Variants in NNT observed in about 807,000 individuals in gnomAD.
NNT encodes the protein NAD(P) transhydrogenase, mitochondrial.
NNT carries 50 observed loss-of-function variants against 104.8 expected under a neutral mutation model. That is an observed-to-expected ratio of 0.48 (90% CI 0.38 to 0.60). NNT has a LOEUF of 0.60. NNT is among the 20% of genes least tolerant of loss of function. NNT has a pLI of 0.00. For missense variants in NNT, 1,131 were observed against 1,330.7 expected (o/e 0.85, Z 2.33); for synonymous variants, 461 against 490.4 (o/e 0.94, Z 0.79).
intron 17 of NNT, among the ~76,000 whole-genome samples, chr5:43,672,661 G>T (rs1259282361): frequency 6.6e-6 from 1 of 152,200 alleles, no homozygotes; most frequent in African/African-American, 2.4e-5. Flanking sequence ...TCTCAGAGGG[G>T]TACCCAGCCA....
chr5:43,602,801 C>A (rs1461545837), upstream of NNT: 1 of 152,204 alleles, frequency 6.6e-6, no homozygotes, highest in African/African-American at 2.4e-5. Flanking sequence ...CTGATGGGAC[C>A]CCAGAGAGGA....
chr5:43,623,989 A>G lies in NNT; in HGVS notation c.688-43A>G, dbSNP rs1421982228. On this transcript the variant is annotated intron_variant, in intron 5 of 21. Coordinates refer to ENST00000344920, the MANE Select transcript of NNT (RefSeq NM_182977.3). The stretch of plus-strand genomic sequence containing the variant: ...TGTTAGCTGATGATTTTTCATTATT[A>G]GTTGATAATGAGCCTTAACACATAA... 3.2e-6 allele frequency: 5 copies of G among 1,558,362 alleles called. No individual in the cohort carries two copies. The South Asian group carries it at 3.3e-5, about 10-fold the overall frequency.
chr5:43,677,698 C>T, intron 18 of NNT, 27 bp from the exon 19 acceptor site: 1 of 1,583,676 alleles, frequency 6.3e-7, no homozygotes, highest in Non-Finnish European at 8.7e-7. Flanking sequence ...AAAACACATT[C>T]TTCTGTGTTC....
At chr5:43,647,467 A>C (rs1739514415) in intron 10 of NNT, among the ~76,000 whole-genome samples, 1 of 152,180 alleles carries the variant, frequency 6.6e-6, no homozygotes, top group African/African-American at 2.4e-5. Flanking sequence ...ATTCCAGTGA[A>C]TGAAAGGATG....
chr5:43,617,699 C>G (rs1365131062), intron 4 of NNT, among the ~76,000 whole-genome samples: 1 of 152,036 alleles, frequency 6.6e-6, no homozygotes, highest in Non-Finnish European at 1.5e-5. Context: ...CCTGTGTAAT[C>G]TCCTTTTATT....
chr5:43,641,859 T>A (rs1751259414), intron 7 of NNT, among the ~76,000 whole-genome samples: 1 of 152,224 alleles, frequency 6.6e-6, no homozygotes, highest in Non-Finnish European at 1.5e-5. Context: ...TGCAAACATG[T>A]CCATGTGTTT....
Position 43,609,263 on chromosome 5 carries a change from G to T in NNT, c.68G>T (p.Cys23Phe). 1 of 1,614,048 alleles carries T rather than the reference G, an allele frequency of 6.2e-7. No homozygotes were observed. Residue 23 changes from cysteine (C) to phenylalanine (F), a missense_variant, in exon 2 of 22, where the codon TGT becomes TTT. Transcript: ENST00000344920. ...SCPLLSNLGS[C>F]KGLRVKKDFL... ...CCTCTACTTAGCAATTTGGGGTCCT[G>T]TAAGGGTCTACGTGTGAAGAAGGAT...
intron 17 of NNT, among the ~76,000 whole-genome samples, chr5:43,674,605 TAGAATGA>T (rs1741309772): frequency 6.6e-6 from 1 of 152,230 alleles, no homozygotes; most frequent in African/African-American, 2.4e-5. Flanking sequence ...TATGATTATG[TAGAATGA>T]CAGTTTCAAT....
intron 20 of NNT, among the ~76,000 whole-genome samples, chr5:43,701,072 C>A (rs946412295): frequency 6.6e-6 from 1 of 152,214 alleles, no homozygotes; most frequent in Non-Finnish European, 1.5e-5. Context: ...GATTTTGAGA[C>A]TCTCAAGGAG....
At chr5:43,693,099 C>A (rs1236731800) in intron 19 of NNT, among the ~76,000 whole-genome samples, 1 of 151,210 alleles carries the variant, frequency 6.6e-6, no homozygotes, top group Non-Finnish European at 1.5e-5. Context: ...TGTCCCTGAA[C>A]CTGAGGGATT....
At chr5:43,661,099 A>G (rs1288450989) in intron 17 of NNT, among the ~76,000 whole-genome samples, 1 of 152,092 alleles carries the variant, frequency 6.6e-6, no homozygotes, top group Non-Finnish European at 1.5e-5. Flanking sequence ...TTGATAGCCC[A>G]AATTCAAAAC....
intron 5 of NNT, among the ~76,000 whole-genome samples, chr5:43,622,484 T>A (rs1750149812): frequency 6.6e-6 from 1 of 152,242 alleles, no homozygotes; most frequent in Admixed American, 6.5e-5. Flanking sequence ...CTTAGGCTGG[T>A]CTTGAGCTCC....
chr5:43,646,633 T>A (rs542470278), intron 10 of NNT, among the ~76,000 whole-genome samples: 1 of 152,292 alleles, frequency 6.6e-6, no homozygotes, highest in African/African-American at 2.4e-5. Context: ...TGGTGTTAAA[T>A]GCGTATAAAT....
At chr5:43,636,166 G>C (rs1367619323) in intron 7 of NNT, among the ~76,000 whole-genome samples, 2 of 152,128 alleles carry the variant, frequency 1.3e-5, no homozygotes, top group African/African-American at 4.8e-5. Context: ...AAGTTGTTTT[G>C]AGGAATGAAG....
intron 18 of NNT, among the ~76,000 whole-genome samples, chr5:43,677,399 TGAGAGAG>T (rs1182379677): frequency 7.2e-6 from 1 of 138,634 alleles, no homozygotes; most frequent in African/African-American, 2.6e-5. Flanking sequence ...TTTAAAAACA[TGAGAGAG>T]AGAGAGAGAG....
Position 43,613,041 on chromosome 5 carries a change from G to C in NNT, c.285G>C (p.Ala95=), listed in dbSNP as rs768145659. ...TTAATGTTGTCGTGGAATCGGGTGC[G>C]GGCGAAGCTTCCAAGTTCTCAGATG... The part of the protein sequence containing the change: ...QGFNVVVESG[A]GEASKFSDDH... Residue 95 remains alanine, a synonymous_variant, in exon 3 of 22, where the codon GCG becomes GCC. Coordinates refer to ENST00000344920, the MANE Select transcript of NNT (RefSeq NM_182977.3). 1.2e-6 allele frequency: 2 copies of C among 1,614,074 alleles called. No homozygotes were observed. The highest frequency in any genetic ancestry group is 3.3e-5 in the Admixed American group (2 of 59,994).
intron 18 of NNT, among the ~76,000 whole-genome samples, chr5:43,676,369 C>T (rs191435200): frequency 6.6e-6 from 1 of 152,342 alleles, no homozygotes; most frequent in East Asian, 1.9e-4. Flanking sequence ...TAAATAAAAT[C>T]TACTGATTTG....
intron 18 of NNT, 34 bp from the exon 19 acceptor site, chr5:43,677,691 A>G: frequency 6.3e-7 from 1 of 1,579,434 alleles, no homozygotes; most frequent in Non-Finnish European, 8.7e-7. Context: ...AAAATAAAAA[A>G]CACATTCTTC....
intron 4 of NNT, among the ~76,000 whole-genome samples, chr5:43,617,292 G>A (rs1749841299): frequency 1.3e-5 from 2 of 152,294 alleles, no homozygotes; most frequent in Admixed American, 6.5e-5. Flanking sequence ...AATATTATGA[G>A]ACAATATAAA....
Sources: allele counts gnomAD v4.1 joint callset (sites outside exome capture counted in the v4.1 genomes callset), GRCh38; gene constraint gnomAD v4.1.1; transcripts MANE v1.5; gene names NCBI Gene and HGNC (gene_info 2026-07-23, HGNC 2026-07-21).